NUCB1: variants seen among roughly 807,000 people sequenced by gnomAD.
The protein encoded by NUCB1 is nucleobindin-1.
In NUCB1, 47 loss-of-function variants were observed where a neutral mutation model predicts 61.2. That is an observed-to-expected ratio of 0.77 (90% CI 0.61 to 0.98). The LOEUF (loss-of-function observed/expected upper bound fraction) is 0.98. Among genes scored for constraint, NUCB1 ranks in the 50% least tolerant of loss-of-function variants. The pLI is 0.00. For synonymous variants in NUCB1, 234 were observed against 243.1 expected (o/e 0.96, Z 0.35); for missense variants, 583 against 605.3 (o/e 0.96, Z 0.39).
chr19:48,913,227 C>G (rs1486868809), intron 6 of NUCB1, 31 bp downstream of exon 6: 3 of 1,574,594 alleles, frequency 1.9e-6, no homozygotes, highest in Admixed American at 3.8e-5. Flanking sequence ...CATCCACTCC[C>G]TACCACATCC....
At chr19:48,908,648 CGTGTGTGTGTGTGTGTGTGTGTGTGT>C (rs58211997) in intron 4 of NUCB1, among the ~76,000 whole-genome samples, 2 of 86,496 alleles carry the variant, frequency 2.3e-5, no homozygotes, top group East Asian at 3.9e-4. Context: ...TCTAGCTGCC[CGTGTGTGTGTGTGTGTGTGTGTGTGT>C]GTGTGTGTGT....
At chr19:48,921,955 G>T in intron 12 of NUCB1, 23 bp downstream of exon 12, 2 of 1,548,082 alleles carry the variant, frequency 1.3e-6, no homozygotes, top group Non-Finnish European at 1.8e-6. Context: ...GTCCAGGGAG[G>T]AGGGGCTGCA....
At chr19:48,917,198 G>C (rs1047407444) in intron 7 of NUCB1, among the ~76,000 whole-genome samples, 1 of 152,062 alleles carries the variant, frequency 6.6e-6, no homozygotes, top group Non-Finnish European at 1.5e-5. Context: ...ACTCCAGCCT[G>C]GGTGACAGAG....
intron 2 of NUCB1, among the ~76,000 whole-genome samples, chr19:48,901,506 G>A (rs915001738): frequency 2.0e-5 from 3 of 152,238 alleles, no homozygotes; most frequent in Non-Finnish European, 4.4e-5. Context: ...GCTCATGCCT[G>A]TAATCCTAGC....
intron 1 of NUCB1, 102 bp downstream of exon 1, chr19:48,900,474 T>C: frequency 2.6e-6 from 1 of 391,266 alleles, no homozygotes; most frequent in East Asian, 4.8e-5. Flanking sequence ...TGCCAGTACT[T>C]TAGGTCCTGG....
intron 2 of NUCB1, 53 bp downstream of exon 2, chr19:48,900,984 T>C (rs537381441): frequency 6.2e-7 from 1 of 1,605,420 alleles, no homozygotes; most frequent in South Asian, 1.1e-5. Context: ...GTACTACAGC[T>C]CCTGCAGACC....
Position 48,922,511 on chromosome 19 carries a change from G to GGGCC in NUCB1, c.*90_*91insCGGC, listed in dbSNP as rs2037623372. ...GAAGTGGCACAGTCAGCTTCCCTGG[G>GGGCC]GGCTGGTGTCATGTTGGGCTCCTGG... On this transcript the variant is annotated 3_prime_UTR_variant, in exon 13 of 13. Coordinates refer to ENST00000405315, the MANE Select transcript of NUCB1 (RefSeq NM_006184.6). 8.4e-7 allele frequency: 1 copy of GGGCC among 1,188,822 alleles called. No homozygotes were observed. The highest frequency in any genetic ancestry group is 1.8e-5 in the Admixed American group (1 of 54,226). The allele number at this position is 1,188,822 out of a possible 1,614,324, so 73.6% of individuals were successfully genotyped here. A position where few individuals can be genotyped will look rare whatever the true frequency, so the allele number is the denominator to read the frequency against.
intron 6 of NUCB1, 95 bp downstream of exon 6, chr19:48,913,291 T>C: frequency 7.6e-7 from 1 of 1,316,308 alleles, no homozygotes; most frequent in South Asian, 1.4e-5. Context: ...CCAGGGGCCC[T>C]TGAGGCAAAA....
At chr19:48,909,705 C>T (rs1178990892) in intron 4 of NUCB1, among the ~76,000 whole-genome samples, 1 of 151,952 alleles carries the variant, frequency 6.6e-6, no homozygotes, top group Non-Finnish European at 1.5e-5. Flanking sequence ...CTGCACACAG[C>T]TAATTTTTAT....
At chr19:48,919,398 C>T (rs2037580936) in intron 10 of NUCB1, 112 bp downstream of exon 10, 1 of 682,318 alleles carries the variant, frequency 1.5e-6, no homozygotes, top group Non-Finnish European at 2.5e-6. Context: ...GTCCATTCTC[C>T]TGGGTCACTG....
intron 4 of NUCB1, chr19:48,910,852 CTTG>C (rs1390146268): frequency 1.6e-5 from 4 of 251,008 alleles, no homozygotes; most frequent in East Asian, 1.0e-4. Flanking sequence ...TCATAAAACC[CTTG>C]TTGTCAGGAT....
intron 4 of NUCB1, among the ~76,000 whole-genome samples, chr19:48,908,279 C>T (rs926019187): frequency 2.6e-5 from 4 of 152,030 alleles, no homozygotes; most frequent in Non-Finnish European, 4.4e-5. Context: ...TACAGGTGCC[C>T]GCCACCATAC....
chr19:48,902,152 C>T (rs534652074), intron 2 of NUCB1, among the ~76,000 whole-genome samples: 1 of 152,144 alleles, frequency 6.6e-6, no homozygotes, highest in Non-Finnish European at 1.5e-5. Flanking sequence ...CGCTCTGTCA[C>T]CAGGCTGGAG....
Position 48,914,048 on chromosome 19 carries a change from A to G in NUCB1, c.757+484A>G, listed in dbSNP as rs553010745. 1.0e-4 allele frequency among the ~76,000 whole-genome samples: 15 copies of G among 147,826 alleles called. No individual in the cohort carries two copies. In the East Asian group the frequency reaches 2.4e-3, roughly 23 times the overall value. On this transcript the variant is annotated intron_variant, in intron 7 of 12. Transcript: ENST00000405315. Reference sequence around the variant, plus strand: ...AGTGGCATGACCTCGGCTCACTGCAACCCCCTGCCCTCCGCCTCCCGGGTT... The same window carrying G: ...AGTGGCATGACCTCGGCTCACTGCAGCCCCCTGCCCTCCGCCTCCCGGGTT...
intron 2 of NUCB1, among the ~76,000 whole-genome samples, chr19:48,902,433 T>TTTTA (rs2037362488): frequency 2.0e-5 from 3 of 148,376 alleles, no homozygotes; most frequent in African/African-American, 7.5e-5. Flanking sequence ...TTTTTTTTTT[T>TTTTA]TTTTTATTTT....
chr19:48,913,971 T>C lies in NUCB1; in HGVS notation c.757+407T>C, dbSNP rs567550147. On this transcript the variant is annotated intron_variant, in intron 7 of 12. Coordinates refer to ENST00000405315, the MANE Select transcript of NUCB1 (RefSeq NM_006184.6). ...ACCCTTTCTCTTTTTCTTTTTCCTT[T>C]TTTTTTTTTTTTTTGAGATGGAGTC... is the stretch of plus-strand genomic sequence containing the variant. 8.2e-3 allele frequency among the ~76,000 whole-genome samples: 1,227 copies of C among 148,908 alleles called. 16 individuals carry two copies. The highest frequency in any genetic ancestry group is 0.029 in the African/African-American group (1,179 of 40,778).
chr19:48,912,129 A>G (rs990016113), intron 5 of NUCB1, among the ~76,000 whole-genome samples: 8 of 151,090 alleles, frequency 5.3e-5, no homozygotes, highest in African/African-American at 9.7e-5. Flanking sequence ...GGCTCAAGCA[A>G]TCCTCCCACC....
At chr19:48,906,466 C>A (rs1292258519) in intron 4 of NUCB1, among the ~76,000 whole-genome samples, 1 of 151,920 alleles carries the variant, frequency 6.6e-6, no homozygotes, top group Non-Finnish European at 1.5e-5. Flanking sequence ...GTGGCTCACG[C>A]CTGCAATTCC....
chr19:48,911,138 C>T lies in NUCB1; in HGVS notation c.377-11C>T, dbSNP rs772984512. The stretch of plus-strand genomic sequence containing the variant: ...ATGCCCTCAGGTGTTGGACTCTTCC[C>T]TCTCTTCCAGATGTACAGGTGGATC... On this transcript the variant is annotated splice_polypyrimidine_tract_variant and intron_variant, in intron 4 of 12. Transcript: ENST00000405315. The T allele has an allele frequency of 6.3e-7, 1 of 1,598,682 alleles. No homozygotes were observed. Among genetic ancestry groups the T allele is most frequent in the East Asian group, 2.2e-5 (1 of 44,756 alleles).
Sources: allele counts gnomAD v4.1 joint callset (sites outside exome capture counted in the v4.1 genomes callset), GRCh38; gene constraint gnomAD v4.1.1; transcripts MANE v1.5; gene names NCBI Gene and HGNC (gene_info 2026-07-23, HGNC 2026-07-21).